Variants in ABLIM2 observed in about 807,000 individuals in gnomAD.
ABLIM2 encodes actin-binding LIM protein 2.
A neutral mutation model predicts 97.7 loss-of-function variants in ABLIM2; 53 were observed. The ratio of observed to expected loss-of-function variants is 0.54; its 90% confidence interval spans 0.44 to 0.68. ABLIM2 has a LOEUF of 0.68. Ranked by LOEUF, ABLIM2 falls within the 30% of genes least tolerant of loss-of-function variation. The pLI, the probability that ABLIM2 is intolerant of heterozygous loss-of-function variation, is 0.00. For synonymous variants in ABLIM2, 361 were observed against 345.8 expected, an observed-to-expected ratio of 1.04 and a Z score of -0.49; for missense variants, 835 against 867.2, an observed-to-expected ratio of 0.96 and a Z score of 0.47.
chr4:7,974,385 A>C (rs1731004791), intron 20 of ABLIM2, among the ~76,000 whole-genome samples: 1 of 120,060 alleles, frequency 8.3e-6, no homozygotes, highest in African/African-American at 2.6e-5. Context: ...CCATCCACCC[A>C]TCCACCCATC....
intron 4 of ABLIM2, 73 bp downstream of exon 4, chr4:8,088,094 CAG>C: frequency 3.9e-6 from 1 of 257,722 alleles, no homozygotes; most frequent in Non-Finnish European, 6.8e-6. Context: ...CCCCCCAACT[CAG>C]CATACCCACC....
At position 8,095,072 on chromosome 4, in the gene ABLIM2, T is replaced by C. The variant is rs535861151; in HGVS notation, c.338+2027A>G. On this transcript the variant is annotated intron_variant, in intron 3 of 20. Transcript: ENST00000447017. This position sits in a 1 kb window ranked among gnomAD's most constrained non-coding sequence, Gnocchi z 4.7. ...TCTTTCTTTCTTTCTCTTTCTTTCT[T>C]TCTCTCTCTCTCTCTTTCTTTCTTT... Among the ~76,000 whole-genome samples, 9 of 139,232 alleles carry C rather than the reference T, an allele frequency of 6.5e-5. No individual in the cohort carries two copies. Among genetic ancestry groups the C allele is most frequent in the South Asian group, 2.3e-4 (1 of 4,428 alleles). The allele number at this position is 139,232 out of a possible 152,430, so 91.3% of individuals were successfully genotyped here.
rs937242810 is a variant in ABLIM2 at position 8,150,057 on chromosome 4, C to A, written c.10+8623G>T. The stretch of plus-strand genomic sequence containing the variant: ...TGCACCCAAGTTCCCACTGCACCTA[C>A]TCAGGGAGCCTAAATGGAGAGAGTT... On this transcript the variant is annotated intron_variant, in intron 1 of 20. Transcript: ENST00000447017. This position sits in a 1 kb window ranked among gnomAD's most constrained non-coding sequence, Gnocchi z 6.3. Among the ~76,000 whole-genome samples the A allele has an allele frequency of 6.6e-6, 1 of 152,204 alleles. No individual in the cohort carries two copies. Among genetic ancestry groups the A allele is most frequent in the East Asian group, 1.9e-4 (1 of 5,192 alleles).
At position 8,083,957 on chromosome 4, in the gene ABLIM2, G is replaced by C. The variant is rs912273523; in HGVS notation, c.455-3155C>G. The stretch of plus-strand genomic sequence containing the variant: ...CTAGGATGTGCCAGGCAGCCTCCTG[G>C]AGCCTCAGCTGGAGCTCAGGGGGTG... On this transcript the variant is annotated intron_variant, in intron 4 of 20. Coordinates refer to ENST00000447017, the MANE Select transcript of ABLIM2 (RefSeq NM_001130083.2). The surrounding 1 kb of genome is among the most constrained non-coding windows in gnomAD (Gnocchi z 4.6). Among the ~76,000 whole-genome samples, 1 of 152,128 alleles carries C rather than the reference G, an allele frequency of 6.6e-6. No homozygotes were observed. The highest frequency in any genetic ancestry group is 1.5e-5 in the Non-Finnish European group (1 of 68,034).
chr4:8,045,916 C>A (rs1000081288), intron 8 of ABLIM2, among the ~76,000 whole-genome samples: 1 of 152,098 alleles, frequency 6.6e-6, no homozygotes, highest in Non-Finnish European at 1.5e-5. Context: ...TCTTGGTCAC[C>A]CTGAAGACCC....
rs932124914 is a variant in ABLIM2 at position 8,147,619 on chromosome 4, C to G, written c.10+11061G>C. 5.9e-5 allele frequency among the ~76,000 whole-genome samples: 9 copies of G among 152,138 alleles called. No homozygotes were observed. Among genetic ancestry groups the G allele is most frequent in the African/African-American group, 2.2e-4 (9 of 41,424 alleles). On this transcript the variant is annotated intron_variant, in intron 1 of 20. Coordinates refer to ENST00000447017, the MANE Select transcript of ABLIM2 (RefSeq NM_001130083.2). This position sits in a 1 kb window ranked among gnomAD's most constrained non-coding sequence, Gnocchi z 5.3. The stretch of plus-strand genomic sequence containing the variant: ...GATGGAGCTGAGGGAGGTTTGAAGA[C>G]TCTGCCTTGAAGATTGGAGCAACGT...
rs1846806804 is a variant in ABLIM2, at chr4:8,124,275, TC to T, written c.11-17639del. On this transcript the variant is annotated intron_variant, in intron 1 of 20. Transcript: ENST00000447017. This position sits in a 1 kb window ranked among gnomAD's most constrained non-coding sequence, Gnocchi z 6.1. ...AATCATAACTTCATTGAGATATAAT[TC>T]ACATAGCCGTACAATTTGCCTGTTT... Among the ~76,000 whole-genome samples, 1 of 152,244 alleles carries T rather than the reference TC, an allele frequency of 6.6e-6. No homozygotes were observed. The highest frequency in any genetic ancestry group is 1.5e-5 in the Non-Finnish European group (1 of 68,046).
rs1811750831 is a variant in ABLIM2 at position 8,071,161 on chromosome 4, G to C, written c.675+6467C>G. Among the ~76,000 whole-genome samples, 1 of 107,136 alleles carries C rather than the reference G, an allele frequency of 9.3e-6. No homozygotes were observed. The highest frequency in any genetic ancestry group is 9.9e-5 in the Admixed American group (1 of 10,126). 70.3% of individuals were successfully genotyped at this position (107,136 alleles called of 152,430 possible). On this transcript the variant is annotated intron_variant, in intron 6 of 20. Transcript: ENST00000447017. This position sits in a 1 kb window ranked among gnomAD's most constrained non-coding sequence, Gnocchi z 6.2. ...CCAGCTGAGTCCCAGCTCCCTCTGT[G>C]GGGGCAGCGCCATCCGTCCCCAGCA...
chr4:8,099,763 T>C (rs921244928), intron 2 of ABLIM2, among the ~76,000 whole-genome samples: 3 of 152,078 alleles, frequency 2.0e-5, no homozygotes, highest in African/African-American at 7.2e-5. Flanking sequence ...GAGGATGGCA[T>C]GAACCTGGGA....
intron 1 of ABLIM2, among the ~76,000 whole-genome samples, chr4:8,156,383 G>A (rs926053104): frequency 6.6e-6 from 1 of 152,192 alleles, no homozygotes; most frequent in Non-Finnish European, 1.5e-5. Flanking sequence ...TAGGACATTG[G>A]ATTCGGATCC....
chr4:8,105,898 A>G (rs1420154728), intron 2 of ABLIM2, among the ~76,000 whole-genome samples: 1 of 152,070 alleles, frequency 6.6e-6, no homozygotes, highest in African/African-American at 2.4e-5. Flanking sequence ...GGCACAGGCC[A>G]TCTCCGTTGG....
At chr4:8,020,783 T>C (rs1773071964) in intron 12 of ABLIM2, 1 of 160,590 alleles carries the variant, frequency 6.2e-6, no homozygotes, top group Admixed American at 6.2e-5. Flanking sequence ...TTAAAAGCCA[T>C]TGAGTAAAAT....
At chr4:7,969,484 G>A (rs1725798673) in intron 20 of ABLIM2, among the ~76,000 whole-genome samples, 1 of 152,052 alleles carries the variant, frequency 6.6e-6, no homozygotes, top group Middle Eastern at 3.2e-3. Context: ...AAACTCAAGT[G>A]CTATATTAGA....
At chr4:8,092,762 A>G (rs1829528592) in intron 3 of ABLIM2, among the ~76,000 whole-genome samples, 1 of 152,008 alleles carries the variant, frequency 6.6e-6, no homozygotes, top group African/African-American at 2.4e-5. Context: ...CACATCCTCA[A>G]CCTTGGCTAA....
chr4:8,040,250 G>T (rs1385942470), intron 9 of ABLIM2, among the ~76,000 whole-genome samples: 1 of 152,202 alleles, frequency 6.6e-6, no homozygotes, highest in East Asian at 1.9e-4. Context: ...GACCGTGGGG[G>T]TGCTCAGCAC....
At chr4:8,091,380 T>C (rs865886754) in intron 3 of ABLIM2, among the ~76,000 whole-genome samples, 1 of 52,230 alleles carries the variant, frequency 1.9e-5, no homozygotes. Context: ...TACATATAAT[T>C]ATATTATATA....
Position 8,122,245 on chromosome 4 carries a change from C to T in ABLIM2, c.11-15608G>A, listed in dbSNP as rs767920649. On this transcript the variant is annotated intron_variant, in intron 1 of 20. Transcript: ENST00000447017. The surrounding 1 kb of genome is among the most constrained non-coding windows in gnomAD (Gnocchi z 4.1). The stretch of plus-strand genomic sequence containing the variant: ...GCCCCCTGTGCATCTCCATCATATC[C>T]GAATGGCCTGGTAAGGATGGCCACA... Among the ~76,000 whole-genome samples the T allele has an allele frequency of 5.3e-5, 8 of 152,172 alleles. No homozygotes were observed. The highest frequency in any genetic ancestry group is 3.3e-4 in the Admixed American group (5 of 15,276).
intron 20 of ABLIM2, among the ~76,000 whole-genome samples, chr4:7,973,333 TC>T (rs1729830079): frequency 6.6e-6 from 1 of 151,714 alleles, no homozygotes; most frequent in Non-Finnish European, 1.5e-5. Context: ...AAACCCCGTC[TC>T]TACTAAAAAT....
In ABLIM2 at chr4:8,130,378, G is replaced by A. The variant is rs1159797549; in HGVS notation, c.11-23741C>T. Among the ~76,000 whole-genome samples, 4 of 152,216 alleles carry A rather than the reference G, an allele frequency of 2.6e-5. No individual in the cohort carries two copies. The highest frequency in any genetic ancestry group is 9.6e-5 in the African/African-American group (4 of 41,460). Reference sequence around the variant, plus strand: ...CAGGAGAGGGCCATGTGGAGAGGTTGGCCTTCTGAGTCCTGCCTGGGCCCT... The same window carrying A: ...CAGGAGAGGGCCATGTGGAGAGGTTAGCCTTCTGAGTCCTGCCTGGGCCCT... On this transcript the variant is annotated intron_variant, in intron 1 of 20. Coordinates refer to ENST00000447017, the MANE Select transcript of ABLIM2 (RefSeq NM_001130083.2). The surrounding 1 kb of genome is among the most constrained non-coding windows in gnomAD (Gnocchi z 4.2).
Sources: gnomAD v4.1 joint callset for allele counts (sites outside exome capture counted in the v4.1 genomes callset) on GRCh38, gnomAD v4.1.1 for gene constraint, Gnocchi (gnomAD v3.1) non-coding constraint, MANE v1.5 for transcripts, NCBI Gene and HGNC (gene_info 2026-07-23, HGNC 2026-07-21) for gene names.